Variants in ADAMTSL1 observed in about 807,000 individuals in gnomAD.
ADAMTSL1 encodes ADAMTS like 1, also known as ADAMTS-like protein 1.
A neutral mutation model predicts 201.8 loss-of-function variants in ADAMTSL1; 126 were observed. The observed-to-expected ratio is 0.62, with a 90% CI of 0.54 to 0.72. The LOEUF is 0.72. Among genes scored for constraint, ADAMTSL1 ranks in the 30% least tolerant of loss-of-function variants. ADAMTSL1 has a pLI of 0.00. For missense variants in ADAMTSL1, 2,679 were observed against 2,277.8 expected (o/e 1.18, Z -3.59); for synonymous variants, 1,121 against 903.4 (o/e 1.24, Z -4.32).
intron 23 of ADAMTSL1, among the ~76,000 whole-genome samples, chr9:18,831,024 C>T (rs7858256): frequency 0.31 from 46,782 of 152,106 alleles, 7,461 homozygotes; most frequent in Non-Finnish European, 0.34. Flanking sequence ...TTGGTGATGA[C>T]TTATCAACAT....
intron 2 of ADAMTSL1, among the ~76,000 whole-genome samples, chr9:18,405,062 A>G (rs1563938408): frequency 6.6e-6 from 1 of 152,058 alleles, no homozygotes; most frequent in Non-Finnish European, 1.5e-5. Context: ...ACTGGCCCCT[A>G]AATACCTGAC....
At chr9:18,760,522 A>G (rs1820015768) in intron 16 of ADAMTSL1, among the ~76,000 whole-genome samples, 1 of 152,206 alleles carries the variant, frequency 6.6e-6, no homozygotes, top group African/African-American at 2.4e-5. Flanking sequence ...CCCTTTCTCC[A>G]TGGCACACCT....
At chr9:18,794,631 T>A (rs1043529348) in intron 19 of ADAMTSL1, among the ~76,000 whole-genome samples, 30 of 142,222 alleles carry the variant, frequency 2.1e-4, no homozygotes, top group Admixed American at 4.4e-4. Flanking sequence ...TTGTTGTTTT[T>A]TTTTGTTGTT....
intron 2 of ADAMTSL1, among the ~76,000 whole-genome samples, chr9:18,284,842 T>C (rs193178271): frequency 1.3e-5 from 2 of 152,228 alleles, no homozygotes; most frequent in Admixed American, 1.3e-4. Flanking sequence ...TATCTGTTAT[T>C]AATATTTTAT....
In ADAMTSL1 at chr9:18,695,505, A is replaced by C. The variant is rs1411869471; in HGVS notation, c.1574+10705A>C. 2.6e-5 allele frequency among the ~76,000 whole-genome samples: 4 copies of C among 152,346 alleles called. No homozygotes were observed. The East Asian group carries it at 7.7e-4, about 29-fold the overall frequency. Reference sequence around the variant, plus strand: ...CATGTGATTATATGCTGTTAGAAGCATCCAGGTCACATCTGGAACACTTTG... The same window carrying C: ...CATGTGATTATATGCTGTTAGAAGCCTCCAGGTCACATCTGGAACACTTTG... On this transcript the variant is annotated intron_variant, in intron 13 of 28. Coordinates refer to ENST00000380548, the MANE Select transcript of ADAMTSL1 (RefSeq NM_001040272.6).
In ADAMTSL1 at chr9:18,503,421, G is replaced by GTATATATATATA. The variant is rs10673652; in HGVS notation, c.64-1399_64-1388dup. 1.2e-3 allele frequency among the ~76,000 whole-genome samples: 140 copies of GTATATATATATA among 115,272 alleles called. 1 individual carries two copies. The highest frequency in any genetic ancestry group is 4.8e-3 in the Middle Eastern group (1 of 208). 75.6% of individuals were successfully genotyped at this position (115,272 alleles called of 152,430 possible). On this transcript the variant is annotated intron_variant, in intron 1 of 28. Coordinates refer to ENST00000380548, the MANE Select transcript of ADAMTSL1 (RefSeq NM_001040272.6). The stretch of plus-strand genomic sequence containing the variant: ...TTAAGGCTGAATAGTATTCCATTGT[G>GTATATATATATA]TATATATATATATATATATACCACA...
intron 2 of ADAMTSL1, among the ~76,000 whole-genome samples, chr9:18,168,410 A>G (rs1014704051): frequency 6.6e-6 from 1 of 152,070 alleles, no homozygotes; most frequent in Non-Finnish European, 1.5e-5. Flanking sequence ...TTTGCTGAGA[A>G]TGATGGTTTC....
At chr9:17,936,125 G>T (rs1401971953) in intron 1 of ADAMTSL1, among the ~76,000 whole-genome samples, 1 of 152,034 alleles carries the variant, frequency 6.6e-6, no homozygotes, top group Non-Finnish European at 1.5e-5. Context: ...TCTCATTTCT[G>T]CTCCCCTGAT....
chr9:18,353,735 C>T (rs1836081851), intron 2 of ADAMTSL1, among the ~76,000 whole-genome samples: 1 of 152,108 alleles, frequency 6.6e-6, no homozygotes, highest in Non-Finnish European at 1.5e-5. Flanking sequence ...TCTGTTTTCA[C>T]AGTTATAAGG....
chr9:18,285,967 C>G (rs887892739), intron 2 of ADAMTSL1, among the ~76,000 whole-genome samples: 3 of 152,200 alleles, frequency 2.0e-5, no homozygotes, highest in South Asian at 4.2e-4. Context: ...TCATCACTCC[C>G]AAAAGAAACT....
At chr9:18,092,931 A>C (rs1824090994) in intron 1 of ADAMTSL1, among the ~76,000 whole-genome samples, 2 of 152,198 alleles carry the variant, frequency 1.3e-5, no homozygotes, top group Admixed American at 1.3e-4. Flanking sequence ...AACAAGTAGG[A>C]ATATCTGGGA....
At chr9:18,795,607 G>T in intron 20 of ADAMTSL1, 83 bp downstream of exon 20, 1 of 1,433,354 alleles carries the variant, frequency 7.0e-7, no homozygotes, top group South Asian at 1.4e-5. Context: ...GCCCAGAGAT[G>T]CATAGATAAA....
At chr9:18,320,573 A>T (rs1834578308) in intron 2 of ADAMTSL1, among the ~76,000 whole-genome samples, 1 of 152,220 alleles carries the variant, frequency 6.6e-6, no homozygotes, top group Non-Finnish European at 1.5e-5. Flanking sequence ...AGAGGAAGAA[A>T]TTATAAATAA....
At chr9:18,448,116 C>A (rs1820268239) in intron 2 of ADAMTSL1, among the ~76,000 whole-genome samples, 1 of 152,202 alleles carries the variant, frequency 6.6e-6, no homozygotes, top group Non-Finnish European at 1.5e-5. Context: ...AACCCCAAGC[C>A]TCAGTAATAA....
chr9:18,158,300 T>C (rs764842878), intron 1 of ADAMTSL1, among the ~76,000 whole-genome samples: 10 of 152,048 alleles, frequency 6.6e-5, no homozygotes, highest in Non-Finnish European at 1.2e-4. Flanking sequence ...TCCTCCTACG[T>C]TGTAATGAGG....
intron 2 of ADAMTSL1, among the ~76,000 whole-genome samples, chr9:18,413,648 A>C (rs962238198): frequency 2.0e-5 from 3 of 152,114 alleles, no homozygotes; most frequent in Non-Finnish European, 2.9e-5. Context: ...TTGACTTATG[A>C]TTTGTTTTTA....
At chr9:17,954,863 T>C (rs992606871) in intron 1 of ADAMTSL1, among the ~76,000 whole-genome samples, 1 of 152,180 alleles carries the variant, frequency 6.6e-6, no homozygotes, top group Admixed American at 6.6e-5. Flanking sequence ...AATTTCTACT[T>C]CTTCCAGTTC....
At chr9:18,538,363 G>A (rs539668402) in intron 3 of ADAMTSL1, among the ~76,000 whole-genome samples, 12 of 150,190 alleles carry the variant, frequency 8.0e-5, no homozygotes, top group East Asian at 7.7e-4. Context: ...AGAGAGAACA[G>A]AATGATCATG....
chr9:18,910,599 G>A lies in ADAMTSL1; in HGVS notation c.*2051G>A, dbSNP rs1830545783. The A allele has an allele frequency of 6.6e-6, 1 of 152,228 alleles. No homozygotes were observed. Among genetic ancestry groups the A allele is most frequent in the African/African-American group, 2.4e-5 (1 of 41,460 alleles). 9.4% of individuals were successfully genotyped at this position (152,228 alleles called of 1,614,324 possible). ...AGTTATGCATGGAATGATAAAGACAGACAAATTCCATACTACTACTAATGT... is the reference window on the plus strand; with the variant it reads ...AGTTATGCATGGAATGATAAAGACAAACAAATTCCATACTACTACTAATGT... On this transcript the variant is annotated 3_prime_UTR_variant, in exon 29 of 29. Coordinates refer to ENST00000380548, the MANE Select transcript of ADAMTSL1 (RefSeq NM_001040272.6).
Sources: allele counts gnomAD v4.1 joint callset (sites outside exome capture counted in the v4.1 genomes callset), GRCh38; gene constraint gnomAD v4.1.1; transcripts MANE v1.5; gene names NCBI Gene and HGNC (gene_info 2026-07-23, HGNC 2026-07-21).